The following TNFRSF8 variants were observed in gnomAD, a reference collection of about 807,000 sequenced individuals.
The protein encoded by TNFRSF8 is TNF receptor superfamily member 8, also known as tumor necrosis factor receptor superfamily member 8.
TNFRSF8 carries 26 observed loss-of-function variants against 70.8 expected under a neutral mutation model. That is an observed-to-expected ratio of 0.37 (90% CI 0.27 to 0.51). TNFRSF8 has a LOEUF of 0.51. Among genes scored for constraint, TNFRSF8 ranks in the 20% least tolerant of loss-of-function variants. The pLI is 0.94. For synonymous variants in TNFRSF8, 356 were observed against 339.2 expected (o/e 1.05, Z -0.54); for missense variants, 720 against 807.9 (o/e 0.89, Z 1.32).
Position 12,142,539 on chromosome 1 carries a change from G to A in TNFRSF8, c.*8G>A. ...GCTGCCTCTGGAAAGTGAGGCCTGG[G>A]CTGGGCTGGGGCTAGGAGGGCAGCA... is the stretch of plus-strand genomic sequence containing the variant. On this transcript the variant is annotated 3_prime_UTR_variant, in exon 15 of 15. Transcript: ENST00000263932. This position sits in a 1 kb window ranked among gnomAD's most constrained non-coding sequence, Gnocchi z 5.0. The A allele has an allele frequency of 6.4e-7, 1 of 1,558,898 alleles. No homozygotes were observed.
At chr1:12,134,692 T>C (rs1642113143) in intron 12 of TNFRSF8, among the ~76,000 whole-genome samples, 4 of 152,090 alleles carry the variant, frequency 2.6e-5, no homozygotes, top group Admixed American at 2.6e-4. Flanking sequence ...AAAATCGAAG[T>C]CCAGCTGGAG....
rs1382799458 is a variant in TNFRSF8, at chr1:12,119,085, G to A, written c.946+3356G>A. On this transcript the variant is annotated intron_variant, in intron 8 of 14. Coordinates refer to ENST00000263932, the MANE Select transcript of TNFRSF8 (RefSeq NM_001243.5). This position sits in a 1 kb window ranked among gnomAD's most constrained non-coding sequence, Gnocchi z 4.4. The stretch of plus-strand genomic sequence containing the variant: ...TCACCATGATGGTCAGGCTGGTCTC[G>A]AACTCCTGACCTGGTGATCCGCCTG... Among the ~76,000 whole-genome samples, 4 of 152,164 alleles carry A rather than the reference G, an allele frequency of 2.6e-5. No individual in the cohort carries two copies. The highest frequency in any genetic ancestry group is 6.5e-5 in the Admixed American group (1 of 15,276).
chr1:12,116,429 T>G (rs1641731428), intron 8 of TNFRSF8, among the ~76,000 whole-genome samples: 1 of 152,212 alleles, frequency 6.6e-6, no homozygotes, highest in South Asian at 2.1e-4. Context: ...GTTGTTGTTG[T>G]TTTTTGTTTT....
chr1:12,115,274 C>T (rs555952449), intron 7 of TNFRSF8, among the ~76,000 whole-genome samples: 9 of 152,264 alleles, frequency 5.9e-5, no homozygotes, highest in African/African-American at 2.2e-4. Flanking sequence ...ACCAGCCATC[C>T]CCCTCTAAAA....
chr1:12,127,683 T>C (rs1641966743), intron 12 of TNFRSF8, among the ~76,000 whole-genome samples: 1 of 152,240 alleles, frequency 6.6e-6, no homozygotes, highest in Non-Finnish European at 1.5e-5. Context: ...GGGGGGTTTT[T>C]GTGTTTTGAT....
chr1:12,135,507 G>A (rs1181048964), intron 12 of TNFRSF8, 81 bp from the exon 13 acceptor site: 1 of 1,352,554 alleles, frequency 7.4e-7, no homozygotes. Context: ...GATCCAGGAG[G>A]ACCATTTGCC....
intron 3 of TNFRSF8, among the ~76,000 whole-genome samples, chr1:12,102,659 T>G (rs1268995171): frequency 6.6e-6 from 1 of 152,016 alleles, no homozygotes; most frequent in Non-Finnish European, 1.5e-5. Context: ...CCCAGTAGCT[T>G]GGATTACAGG....
At chr1:12,085,739 T>C (rs775023077) in intron 2 of TNFRSF8, among the ~76,000 whole-genome samples, 11 of 152,202 alleles carry the variant, frequency 7.2e-5, no homozygotes, top group South Asian at 2.1e-4. Context: ...GTGAGTGTTG[T>C]TCCTTCCATT....
chr1:12,123,032 T>A (rs1438933979), intron 8 of TNFRSF8, among the ~76,000 whole-genome samples: 1 of 152,134 alleles, frequency 6.6e-6, no homozygotes, highest in African/African-American at 2.4e-5. Context: ...TTTCACCGTG[T>A]TGGTCAGGCT....
At chr1:12,111,420 A>T (rs1482273906) in intron 6 of TNFRSF8, among the ~76,000 whole-genome samples, 1 of 151,498 alleles carries the variant, frequency 6.6e-6, no homozygotes, top group African/African-American at 2.4e-5. Flanking sequence ...GGCCTCAAGT[A>T]ATCCACCCGC....
At chr1:12,114,799 C>T (rs1379438959) in intron 7 of TNFRSF8, among the ~76,000 whole-genome samples, 1 of 146,302 alleles carries the variant, frequency 6.8e-6, no homozygotes, top group Non-Finnish European at 1.5e-5. Flanking sequence ...ACCTCTGCCT[C>T]CCAGGTTCAA....
chr1:12,128,833 CTTTTTTT>C (rs60878706), intron 12 of TNFRSF8, among the ~76,000 whole-genome samples: 26 of 111,774 alleles, frequency 2.3e-4, no homozygotes, highest in African/African-American at 8.7e-4. Context: ...GTCTAAAATT[CTTTTTTT>C]TTTTTTTTTT....
At chr1:12,065,815 G>GTTCT (rs951606668) in intron 1 of TNFRSF8, among the ~76,000 whole-genome samples, 4 of 152,144 alleles carry the variant, frequency 2.6e-5, no homozygotes, top group Non-Finnish European at 5.9e-5. Flanking sequence ...TGCCACCATT[G>GTTCT]TTCTTTCTTT....
intron 12 of TNFRSF8, among the ~76,000 whole-genome samples, chr1:12,126,781 C>A (rs551184081): frequency 6.6e-6 from 1 of 152,236 alleles, no homozygotes; most frequent in African/African-American, 2.4e-5. Flanking sequence ...GTTTCCTCAT[C>A]CGGAAAATGC....
At chr1:12,133,511 G>A (rs1438278133) in intron 12 of TNFRSF8, among the ~76,000 whole-genome samples, 4 of 151,934 alleles carry the variant, frequency 2.6e-5, no homozygotes, top group South Asian at 4.1e-4. Context: ...GGAGGCCGAG[G>A]CGGGTGGATC....
chr1:12,066,058 T>A (rs1173305791), intron 1 of TNFRSF8, among the ~76,000 whole-genome samples: 1 of 152,214 alleles, frequency 6.6e-6, no homozygotes, highest in East Asian at 1.9e-4. Context: ...CGACATTTGA[T>A]CTTATCAGCA....
At chr1:12,135,135 G>A (rs1489591130) in intron 12 of TNFRSF8, among the ~76,000 whole-genome samples, 5 of 151,888 alleles carry the variant, frequency 3.3e-5, no homozygotes, top group African/African-American at 1.2e-4. Context: ...CCAACGTGGT[G>A]AAACCCCGTC....
At chr1:12,135,501 C>T (rs1273834879) in intron 12 of TNFRSF8, 87 bp from the exon 13 acceptor site, 1 of 1,484,084 alleles carries the variant, frequency 6.7e-7, no homozygotes, top group African/African-American at 1.5e-5. Flanking sequence ...ACCTGTGATC[C>T]AGGAGGACCA....
chr1:12,106,643 G>T lies in TNFRSF8; in HGVS notation c.421+2112G>T, dbSNP rs966835111. Among the ~76,000 whole-genome samples, 5 of 152,260 alleles carry T rather than the reference G, an allele frequency of 3.3e-5. No individual in the cohort carries two copies. The Middle Eastern group carries it at 0.01, about 311-fold the overall frequency. The stretch of plus-strand genomic sequence containing the variant: ...CTGACAGGGAGCTCCGAGCTGGTGG[G>T]GGGGTGGAGTTCAAATCTGGTCAAA... On this transcript the variant is annotated intron_variant, in intron 4 of 14. Coordinates refer to ENST00000263932, the MANE Select transcript of TNFRSF8 (RefSeq NM_001243.5).
Sources: allele counts gnomAD v4.1 joint callset (sites outside exome capture counted in the v4.1 genomes callset), GRCh38; gene constraint gnomAD v4.1.1; non-coding constraint Gnocchi (gnomAD v3.1); transcripts MANE v1.5; gene names NCBI Gene and HGNC (gene_info 2026-07-23, HGNC 2026-07-21).